The following RIC8B variants were observed in gnomAD, a reference collection of about 807,000 sequenced individuals.
RIC8B encodes the protein chaperone Ric-8B.
Under a neutral mutation model 57.5 loss-of-function variants are expected in RIC8B, and 16 were observed. The ratio of observed to expected loss-of-function variants is 0.28; its 90% CI spans 0.19 to 0.42. The LOEUF is 0.42. RIC8B is among the 10% of genes least tolerant of loss of function. The pLI is 1.00. For synonymous variants in RIC8B, 216 were observed against 250.8 expected (o/e 0.86, Z 1.31); for missense variants, 481 against 677.0 (o/e 0.71, Z 3.21).
chr12:106,875,458 C>G (rs1428891787), intron 9 of RIC8B, among the ~76,000 whole-genome samples: 1 of 152,156 alleles, frequency 6.6e-6, no homozygotes, highest in Non-Finnish European at 1.5e-5. Flanking sequence ...TTAGCTATTG[C>G]ACACAACTTG....
At chr12:106,829,226 A>C (rs528245944) in intron 4 of RIC8B, among the ~76,000 whole-genome samples, 1 of 152,312 alleles carries the variant, frequency 6.6e-6, no homozygotes, top group South Asian at 2.1e-4. Flanking sequence ...GGACATCCTA[A>C]TTCTGTTCAT....
At chr12:106,795,828 T>C (rs2044454313) in intron 2 of RIC8B, among the ~76,000 whole-genome samples, 1 of 152,188 alleles carries the variant, frequency 6.6e-6, no homozygotes, top group Admixed American at 6.5e-5. Context: ...TAATTTCTTC[T>C]TAACTCCTGT....
At chr12:106,853,719 G>A (rs142435536) in intron 7 of RIC8B, among the ~76,000 whole-genome samples, 3 of 151,684 alleles carry the variant, frequency 2.0e-5, no homozygotes, top group African/African-American at 7.3e-5. Flanking sequence ...TGCCCACCTC[G>A]GCCTCCCAAA....
At chr12:106,827,564 A>C (rs1328243009) in intron 4 of RIC8B, among the ~76,000 whole-genome samples, 1 of 152,192 alleles carries the variant, frequency 6.6e-6, no homozygotes, top group African/African-American at 2.4e-5. Context: ...ATTTGCTGGT[A>C]GGTTATCTCA....
At chr12:106,798,952 T>C (rs2044609026) in intron 2 of RIC8B, among the ~76,000 whole-genome samples, 1 of 152,244 alleles carries the variant, frequency 6.6e-6, no homozygotes, top group Admixed American at 6.5e-5. Flanking sequence ...ACTTGAGTCA[T>C]GTTCTTTTAT....
At chr12:106,841,913 T>G (rs764354072) in intron 4 of RIC8B, among the ~76,000 whole-genome samples, 5 of 152,140 alleles carry the variant, frequency 3.3e-5, no homozygotes, top group Non-Finnish European at 5.9e-5. Flanking sequence ...CCCCTACTGG[T>G]GTGCATCCCA....
chr12:106,885,986 A>G lies in RIC8B; in HGVS notation c.1654A>G (p.Ile552Val). The G allele has an allele frequency of 1.2e-6, 2 of 1,613,628 alleles. No individual in the cohort carries two copies. The highest frequency in any genetic ancestry group is 1.1e-5 in the South Asian group (1 of 91,076). ...GGAAGCACTCAACCAGTACTCTGTC[A>G]TCGAAGAGACCAGCTCTGACACAGA... is the stretch of plus-strand genomic sequence containing the variant. ...LEEALNQYSV[I>V]EETSSDTD The change falls in exon 10 of 10, where the codon ATC (isoleucine) becomes GTC (valine). Residue 552 changes from isoleucine to valine, a missense_variant. By Grantham distance (29) the Ile-to-Val change is conservative (BLOSUM62 3). Around this residue, in one of 3 missense-constraint regions of RIC8B, gnomAD observed 17 missense variants for 16.3 expected, o/e 1.05. Coordinates refer to ENST00000392837, the MANE Select transcript of RIC8B (RefSeq NM_001330145.2).
chr12:106,809,454 C>T lies in RIC8B; in HGVS notation c.133-5242C>T, dbSNP rs901334317. Among the ~76,000 whole-genome samples, 3 of 144,072 alleles carry T rather than the reference C, an allele frequency of 2.1e-5. No homozygotes were observed. The South Asian group carries it at 6.6e-4, about 32-fold the overall frequency. 94.5% of individuals were successfully genotyped at this position (144,072 alleles called of 152,430 possible). On this transcript the variant is annotated intron_variant, in intron 2 of 9. Transcript: ENST00000392837. ...AGGAGAATCACTTGAACTCCGAAGG[C>T]GGAGGTTACAGTGAGCCGAGATTGT... is the stretch of plus-strand genomic sequence containing the variant.
At chr12:106,805,469 C>G (rs2044965786) in intron 2 of RIC8B, among the ~76,000 whole-genome samples, 1 of 152,090 alleles carries the variant, frequency 6.6e-6, no homozygotes. Flanking sequence ...TGCACTCCAG[C>G]CTAGGTGACA....
intron 1 of RIC8B, among the ~76,000 whole-genome samples, chr12:106,779,717 T>C (rs2043664641): frequency 6.6e-6 from 1 of 150,508 alleles, no homozygotes; most frequent in South Asian, 2.1e-4. Flanking sequence ...TTCAAGCCAT[T>C]GTTGGTTGAA....
At position 106,887,411 on chromosome 12, in the gene RIC8B, GAGTACA is replaced by G. The variant is rs1951227748; in HGVS notation, c.*1397_*1402del. ...CTAATAGCCTTTTTAAGGACAGGTA[GAGTACA>G]TGGAGGGTTACTGAAAAGGTCATTT... On this transcript the variant is annotated 3_prime_UTR_variant, in exon 10 of 10. Coordinates refer to ENST00000392837, the MANE Select transcript of RIC8B (RefSeq NM_001330145.2). 6.6e-6 allele frequency: 1 copy of G among 152,332 alleles called. No homozygotes were observed. The highest frequency in any genetic ancestry group is 1.5e-5 in the Non-Finnish European group (1 of 68,012). 9.4% of individuals were successfully genotyped at this position (152,332 alleles called of 1,614,324 possible).
At chr12:106,846,108 T>G (rs1005284167) in intron 6 of RIC8B, among the ~76,000 whole-genome samples, 3 of 152,192 alleles carry the variant, frequency 2.0e-5, no homozygotes, top group African/African-American at 4.8e-5. Context: ...CCATATATGC[T>G]GATGACTCTC....
rs528835176 is a variant in RIC8B, at chr12:106,869,267, TAGAAA to T, written c.1452-1548_1452-1544del. On this transcript the variant is annotated intron_variant, in intron 8 of 9. Coordinates refer to ENST00000392837, the MANE Select transcript of RIC8B (RefSeq NM_001330145.2). ...TATGTCATGCAGCCTCTGAGGAAGG[TAGAAA>T]AGAAAAGTAAATCTAATAGTAATAG... Among the ~76,000 whole-genome samples the T allele has an allele frequency of 5.0e-4, 76 of 152,116 alleles. 1 individual carries two copies. The highest frequency in any genetic ancestry group is 1.7e-3 in the African/African-American group (70 of 41,498).
chr12:106,873,899 G>A (rs1246825220), intron 9 of RIC8B, among the ~76,000 whole-genome samples: 3 of 152,170 alleles, frequency 2.0e-5, no homozygotes, highest in Non-Finnish European at 4.4e-5. Flanking sequence ...ATTCCAGGTG[G>A]AGAGAAATTT....
intron 2 of RIC8B, among the ~76,000 whole-genome samples, chr12:106,789,663 ATCTC>A (rs771552591): frequency 6.6e-6 from 1 of 152,090 alleles, no homozygotes; most frequent in Non-Finnish European, 1.5e-5. Flanking sequence ...GATTCAAATT[ATCTC>A]TCAGCAGGTG....
chr12:106,798,070 G>A (rs1056787068), intron 2 of RIC8B: 2 of 716,760 alleles, frequency 2.8e-6, no homozygotes, highest in African/African-American at 3.5e-5. Context: ...GCTTGCCAGT[G>A]TAAGTGACTG....
At chr12:106,856,360 C>T (rs527253394) in intron 7 of RIC8B, among the ~76,000 whole-genome samples, 1 of 152,304 alleles carries the variant, frequency 6.6e-6, no homozygotes, top group African/African-American at 2.4e-5. Flanking sequence ...TTTACCTCCA[C>T]AGAGTCTCTG....
At chr12:106,801,534 G>A (rs964334252) in intron 2 of RIC8B, among the ~76,000 whole-genome samples, 12 of 152,160 alleles carry the variant, frequency 7.9e-5, no homozygotes, top group East Asian at 5.8e-4. Flanking sequence ...ATACAGCCTC[G>A]TTCATAGAGA....
chr12:106,827,939 C>T (rs550303567), intron 4 of RIC8B, among the ~76,000 whole-genome samples: 2 of 152,188 alleles, frequency 1.3e-5, no homozygotes, highest in Non-Finnish European at 2.9e-5. Flanking sequence ...GTCACAAATA[C>T]ATTGCCAAAG....
Sources: allele counts gnomAD v4.1 joint callset (sites outside exome capture counted in the v4.1 genomes callset), GRCh38; gene constraint gnomAD v4.1.1; regional missense constraint gnomAD v4.1.1; transcripts MANE v1.5; gene names NCBI Gene and HGNC (gene_info 2026-07-23, HGNC 2026-07-21).